HMGCS1: variants seen among roughly 807,000 people sequenced by gnomAD.
HMGCS1 encodes the protein hydroxymethylglutaryl-CoA synthase, cytoplasmic.
In HMGCS1, 9 loss-of-function variants were observed where a neutral mutation model predicts 52.3. That is an observed-to-expected ratio of 0.17 (90% CI 0.10 to 0.30). The LOEUF (loss-of-function observed/expected upper bound fraction) is 0.30, where lower values mean the gene tolerates loss of function less well. HMGCS1 is among the 10% of genes least tolerant of loss of function. HMGCS1 has a pLI of 1.00. For synonymous variants in HMGCS1, 176 were observed against 214.4 expected (o/e 0.82, Z 1.57); for missense variants, 320 against 620.9 (o/e 0.52, Z 5.15).
chr5:43,294,937 G>A, intron 6 of HMGCS1, 76 bp from the exon 7 acceptor site: 1 of 903,372 alleles, frequency 1.1e-6, no homozygotes. Flanking sequence ...GCCTAATTAG[G>A]ATTCAAATCT....
At chr5:43,293,644 T>A (rs1753887584) in intron 8 of HMGCS1, 1 of 153,390 alleles carries the variant, frequency 6.5e-6, no homozygotes, top group South Asian at 2.0e-4. Flanking sequence ...ATTGTAATGA[T>A]CTGTGGGACA....
chr5:43,294,184 T>C, intron 7 of HMGCS1, 22 bp from the exon 8 acceptor site: 1 of 1,453,322 alleles, frequency 6.9e-7, no homozygotes. Context: ...GTAACAATAG[T>C]TCAGAAGTTT....
rs1007279034 is a variant in HMGCS1, at chr5:43,298,272, T to A, written c.449-138A>T. On this transcript the variant is annotated intron_variant, in intron 3 of 10. Coordinates refer to ENST00000325110, the MANE Select transcript of HMGCS1 (RefSeq NM_001098272.3). This position sits in a 1 kb window ranked among gnomAD's most constrained non-coding sequence, Gnocchi z 5.6. ...GAAAGAAAATGCTCTAATTTTTTTT[T>A]AAAATTCATCTGCCAAGGCTCTGTC... 113 of 822,130 alleles carry A rather than the reference T, an allele frequency of 1.4e-4. No homozygotes were observed. The highest frequency in any genetic ancestry group is 1.8e-4 in the Non-Finnish European group (99 of 543,550). 50.9% of individuals were successfully genotyped at this position (822,130 alleles called of 1,614,324 possible). A position where few individuals can be genotyped will look rare whatever the true frequency, so the allele number is the denominator to read the frequency against.
chr5:43,294,555 A>C (rs1753938037), intron 7 of HMGCS1, 136 bp downstream of exon 7: 1 of 584,074 alleles, frequency 1.7e-6, no homozygotes, highest in Non-Finnish European at 3.0e-6. Context: ...AAGTCAATGG[A>C]CAATAGCAGA....
intron 1 of HMGCS1, among the ~76,000 whole-genome samples, chr5:43,310,303 C>A (rs78395074): frequency 6.6e-6 from 1 of 152,160 alleles, no homozygotes; most frequent in African/African-American, 2.4e-5. Flanking sequence ...AAGCTTTCCT[C>A]GATAAATCAC....
chr5:43,300,608 A>G (rs551938408), intron 2 of HMGCS1, among the ~76,000 whole-genome samples: 49 of 151,974 alleles, frequency 3.2e-4, no homozygotes, highest in Non-Finnish European at 4.3e-4. Flanking sequence ...TAGGCAACAT[A>G]GCAAGACTCT....
chr5:43,302,537 T>C (rs960014143), intron 2 of HMGCS1, among the ~76,000 whole-genome samples: 4 of 152,182 alleles, frequency 2.6e-5, no homozygotes, highest in Non-Finnish European at 5.9e-5. Context: ...ATTTCAGAAA[T>C]TGGGATTCCT....
At chr5:43,310,239 G>A (rs796946135) in intron 1 of HMGCS1, among the ~76,000 whole-genome samples, 4 of 152,298 alleles carry the variant, frequency 2.6e-5, no homozygotes, top group African/African-American at 9.6e-5. Flanking sequence ...ACTGGTCTGC[G>A]TATCAGAGAT....
chr5:43,297,119 C>G lies in HMGCS1; in HGVS notation c.622G>C (p.Asp208His), dbSNP rs772328019. ...MQHAYDFYKP[D>H]MLSEYPIVDG... ...ACTATAGGATATTCAGATAGCATAT[C>G]AGGCTTGTAAAAATCATAGGCATGT... The change falls in exon 5 of 11, where the codon GAT becomes CAT. Residue 208 changes from aspartate (D) to histidine (H), a missense_variant. Physicochemically the swap from Asp to His is moderately conservative, Grantham distance 81. Around this residue, in one of 3 missense-constraint regions of HMGCS1, gnomAD observed 85 missense variants for 260.0 expected, o/e 0.33. Coordinates refer to ENST00000325110, the MANE Select transcript of HMGCS1 (RefSeq NM_001098272.3). 7.4e-6 allele frequency: 12 copies of G among 1,613,744 alleles called. No homozygotes were observed. Among genetic ancestry groups the G allele is most frequent in the Non-Finnish European group, 1.0e-5 (12 of 1,179,830 alleles).
chr5:43,295,941 T>C (rs1193724695), intron 5 of HMGCS1, 24 bp from the exon 6 acceptor site: 3 of 1,575,326 alleles, frequency 1.9e-6, no homozygotes, highest in East Asian at 4.5e-5. Flanking sequence ...CCAAGGAAAC[T>C]ATGAAATTCA....
chr5:43,299,809 T>C (rs1378883457), intron 2 of HMGCS1, among the ~76,000 whole-genome samples: 1 of 152,160 alleles, frequency 6.6e-6, no homozygotes, highest in Non-Finnish European at 1.5e-5. Flanking sequence ...TCAAGACCAT[T>C]GTTGGGCATT....
At chr5:43,303,238 A>G (rs1373580640) in intron 2 of HMGCS1, among the ~76,000 whole-genome samples, 1 of 152,236 alleles carries the variant, frequency 6.6e-6, no homozygotes, top group Non-Finnish European at 1.5e-5. Context: ...CACCAAATTC[A>G]TATGTTGAAG....
rs182610650 is a variant in HMGCS1, at chr5:43,290,013, C to T, written c.*1118G>A. On this transcript the variant is annotated 3_prime_UTR_variant, in exon 11 of 11. Coordinates refer to ENST00000325110, the MANE Select transcript of HMGCS1 (RefSeq NM_001098272.3). Reference sequence around the variant, plus strand: ...GTTGTTTTTTAAGGTAAAAGTCCTACTTCAGACCTTGAAGTGGAATACTTC... The same window carrying T: ...GTTGTTTTTTAAGGTAAAAGTCCTATTTCAGACCTTGAAGTGGAATACTTC... The T allele has an allele frequency of 6.0e-3, 908 of 151,432 alleles. 9 individuals carry two copies. The highest frequency in any genetic ancestry group is 0.014 in the Middle Eastern group (4 of 292). 9.4% of individuals were successfully genotyped at this position (151,432 alleles called of 1,614,324 possible).
At position 43,292,939 on chromosome 5, in the gene HMGCS1, A is replaced by G; in HGVS notation, c.1218T>C (p.Cys406=). 3.1e-6 allele frequency: 5 copies of G among 1,605,104 alleles called. No homozygotes were observed. The highest frequency in any genetic ancestry group is 4.2e-6 in the Non-Finnish European group (5 of 1,177,018). Residue 406 remains cysteine (C), a synonymous_variant, in exon 9 of 11, where the codon TGT becomes TGC. Coordinates refer to ENST00000325110, the MANE Select transcript of HMGCS1 (RefSeq NM_001098272.3). ...SALDKITASL[C]DLKSRLDSRT... is the part of the protein sequence containing the mutation. ...TTGAATCAAGCCTTGATTTAAGATC[A>G]CATAAACTTGCTGTTATTTTATCAA...
At chr5:43,291,595 G>C (rs1454632604) in intron 10 of HMGCS1, among the ~76,000 whole-genome samples, 1 of 152,108 alleles carries the variant, frequency 6.6e-6, no homozygotes, top group East Asian at 1.9e-4. Flanking sequence ...AGATAAATAA[G>C]TAGTTTCAAG....
intron 2 of HMGCS1, among the ~76,000 whole-genome samples, chr5:43,303,970 C>A (rs1192374481): frequency 6.6e-6 from 1 of 152,206 alleles, no homozygotes; most frequent in Non-Finnish European, 1.5e-5. Context: ...TTGAAATGTT[C>A]TACATCCATC....
chr5:43,305,742 A>C (rs1348056067), intron 2 of HMGCS1, among the ~76,000 whole-genome samples: 13 of 148,524 alleles, frequency 8.8e-5, no homozygotes, highest in South Asian at 2.1e-4. Flanking sequence ...AGATCGTGCC[A>C]CTGCACTCCA....
At chr5:43,294,012 G>T in intron 8 of HMGCS1, 44 bp downstream of exon 8, 3 of 1,283,178 alleles carry the variant, frequency 2.3e-6, no homozygotes, top group Non-Finnish European at 3.4e-6. Flanking sequence ...ACTGTGCCTG[G>T]ACTCAGTTCT....
At chr5:43,310,288 C>T (rs1057465669) in intron 1 of HMGCS1, among the ~76,000 whole-genome samples, 1 of 152,322 alleles carries the variant, frequency 6.6e-6, no homozygotes, top group East Asian at 1.9e-4. Context: ...GTCACCTCTT[C>T]CTGGAAGCTT....
Sources: gnomAD v4.1 joint callset for allele counts (sites outside exome capture counted in the v4.1 genomes callset) on GRCh38, gnomAD v4.1.1 for gene constraint, gnomAD v4.1.1 regional missense constraint, Gnocchi (gnomAD v3.1) non-coding constraint, MANE v1.5 for transcripts, NCBI Gene and HGNC (gene_info 2026-07-23, HGNC 2026-07-21) for gene names.